SLC41A3: variants seen among roughly 807,000 people sequenced by gnomAD.
The protein encoded by SLC41A3 is SLC41A1-like 2.
SLC41A3 carries 44 observed loss-of-function variants against 45.4 expected under a neutral mutation model. The observed-to-expected ratio is 0.97, with a 90% confidence interval of 0.76 to 1.25. SLC41A3 has a LOEUF of 1.25. Among genes scored for constraint, SLC41A3 ranks in the 50% most tolerant of loss-of-function variants. The pLI, the probability that SLC41A3 is intolerant of heterozygous loss-of-function variation, is 0.00. For synonymous variants in SLC41A3, 256 were observed against 252.4 expected (o/e 1.01, Z -0.13); for missense variants, 550 against 600.6 (o/e 0.92, Z 0.88).
intron 7 of SLC41A3, 37 bp from the exon 8 acceptor site, chr3:126,015,610 T>G: frequency 2.5e-6 from 4 of 1,604,214 alleles, no homozygotes; most frequent in South Asian, 2.2e-5. Context: ...GTTATCAGAG[T>G]TTACACTTAC....
chr3:126,015,397 G>C, intron 8 of SLC41A3, 97 bp downstream of exon 8: 1 of 1,228,802 alleles, frequency 8.1e-7, no homozygotes, highest in Non-Finnish European at 1.2e-6. Flanking sequence ...CCTGTGCGGG[G>C]CTGGTGCTGC....
intron 2 of SLC41A3, among the ~76,000 whole-genome samples, chr3:126,055,574 T>G (rs1374903019): frequency 6.6e-6 from 1 of 152,224 alleles, no homozygotes; most frequent in Non-Finnish European, 1.5e-5. Context: ...TATATGTACA[T>G]AGAAAATTGT....
chr3:126,056,595 C>A, intron 2 of SLC41A3: 8 of 1,587,562 alleles, frequency 5.0e-6, no homozygotes, highest in Non-Finnish European at 6.9e-6. Flanking sequence ...GAAGTCAGAG[C>A]CTGGGGTGCT....
intron 3 of SLC41A3, among the ~76,000 whole-genome samples, chr3:126,036,659 GCC>G (rs3059797): frequency 0.23 from 34,766 of 151,834 alleles, 4,243 homozygotes; most frequent in Non-Finnish European, 0.27. Flanking sequence ...TCCGCTCACT[GCC>G]CACCTGTATA....
rs534405161 is a variant in SLC41A3, at chr3:126,054,060, T to G, written c.274-3010A>C. Among the ~76,000 whole-genome samples the G allele has an allele frequency of 1.4e-4, 22 of 152,272 alleles. No homozygotes were observed. In the South Asian group the frequency reaches 1.5e-3, roughly 10 times the overall value. ...CAGTCCCCCAGCTCTCCCCTGCTCC[T>G]CCGGCCTCACCCTCGGGGTCATCTT... On this transcript the variant is annotated intron_variant, in intron 2 of 10. Coordinates refer to ENST00000360370, the MANE Select transcript of SLC41A3 (RefSeq NM_017836.4).
At chr3:126,023,843 G>A (rs1576239582) in intron 5 of SLC41A3, 1 of 152,340 alleles carries the variant, frequency 6.6e-6, no homozygotes, top group South Asian at 2.1e-4. Flanking sequence ...AAGATACTCT[G>A]TGTTGTGGCT....
chr3:126,095,219 C>T (rs1945571915), intron 1 of SLC41A3: 1 of 690,968 alleles, frequency 1.4e-6, no homozygotes, highest in South Asian at 1.5e-5. Context: ...TGGATACCAT[C>T]AAGACACCTG....
chr3:126,049,004 G>T (rs112942887), intron 3 of SLC41A3, among the ~76,000 whole-genome samples: 324 of 152,304 alleles, frequency 2.1e-3, no homozygotes, highest in African/African-American at 7.6e-3. Flanking sequence ...CTGTTGTAAT[G>T]AATTACATTA....
At chr3:126,088,697 G>A (rs1379059128), upstream of SLC41A3, among the ~76,000 whole-genome samples, 6 of 152,026 alleles carry the variant, frequency 3.9e-5, no homozygotes, top group Admixed American at 3.9e-4. Context: ...GTGGGGGAAG[G>A]GCAAAACTAT....
intron 2 of SLC41A3, among the ~76,000 whole-genome samples, chr3:126,065,702 G>C (rs114996889): frequency 2.4e-3 from 366 of 152,234 alleles, no homozygotes; most frequent in African/African-American, 7.8e-3. Context: ...AGATGACTGA[G>C]ACTGCATTTT....
chr3:126,074,620 T>C (rs1449928919), intron 1 of SLC41A3, among the ~76,000 whole-genome samples: 1 of 152,022 alleles, frequency 6.6e-6, no homozygotes, highest in Non-Finnish European at 1.5e-5. Flanking sequence ...CGCAGGTCAA[T>C]ACACGAAAGT....
chr3:126,010,211 C>T (rs1212005313), intron 9 of SLC41A3, among the ~76,000 whole-genome samples: 1 of 152,218 alleles, frequency 6.6e-6, no homozygotes, highest in East Asian at 1.9e-4. Context: ...CTGTGGCTCA[C>T]GCCTGTAAAC....
chr3:126,071,447 A>G (rs978235468), intron 1 of SLC41A3, among the ~76,000 whole-genome samples: 1 of 152,226 alleles, frequency 6.6e-6, no homozygotes, highest in African/African-American at 2.4e-5. Flanking sequence ...CAATTCAATA[A>G]TAATAGTTGG....
chr3:126,067,034 CAATG>C, intron 2 of SLC41A3, among the ~76,000 whole-genome samples: 1 of 65,428 alleles, frequency 1.5e-5, no homozygotes, highest in South Asian at 5.5e-4. Flanking sequence ...ATATCTGTGT[CAATG>C]TGTGTCAATG....
intron 6 of SLC41A3, among the ~76,000 whole-genome samples, chr3:126,019,933 A>G (rs1940682429): frequency 6.6e-6 from 1 of 151,942 alleles, no homozygotes; most frequent in Admixed American, 6.6e-5. Flanking sequence ...CTCGAATCCC[A>G]CATTTCTGCT....
rs754918326 is a variant in SLC41A3 at position 126,022,946 on chromosome 3, G to C, written c.599-14C>G. The C allele has an allele frequency of 6.2e-7, 1 of 1,613,820 alleles. No homozygotes were observed. The highest frequency in any genetic ancestry group is 8.5e-7 in the Non-Finnish European group (1 of 1,179,784). On this transcript the variant is annotated splice_polypyrimidine_tract_variant and intron_variant, in intron 5 of 10. Transcript: ENST00000360370. ...CCATCAGCACCCCTGCAGAGAGAGA[G>C]AGGAGAAACAGCAGACTCAAATCCC...
At chr3:126,020,657 C>T (rs1459301103) in intron 6 of SLC41A3, among the ~76,000 whole-genome samples, 1 of 152,186 alleles carries the variant, frequency 6.6e-6, no homozygotes, top group East Asian at 1.9e-4. Flanking sequence ...GGGGGTCAGA[C>T]ATGCCTCATT....
intron 1 of SLC41A3, among the ~76,000 whole-genome samples, chr3:126,095,868 G>T (rs1008792883): frequency 6.6e-6 from 1 of 152,144 alleles, no homozygotes; most frequent in African/African-American, 2.4e-5. Context: ...TGAACAAAAC[G>T]GTCAGATGGT....
At chr3:126,064,709 C>T (rs1160342816) in intron 2 of SLC41A3, among the ~76,000 whole-genome samples, 1 of 152,190 alleles carries the variant, frequency 6.6e-6, no homozygotes, top group Non-Finnish European at 1.5e-5. Flanking sequence ...CTAGACCGCT[C>T]GGTGTCTCTG....
Sources: gnomAD v4.1 joint callset for allele counts (sites outside exome capture counted in the v4.1 genomes callset) on GRCh38, gnomAD v4.1.1 for gene constraint, MANE v1.5 for transcripts, NCBI Gene and HGNC (gene_info 2026-07-23, HGNC 2026-07-21) for gene names.